STAB2: variants seen among roughly 807,000 people sequenced by gnomAD.
STAB2 encodes stabilin 2.
A neutral mutation model predicts 338.1 loss-of-function variants in STAB2; 288 were observed. The observed-to-expected ratio is 0.85, with a 90% CI of 0.77 to 0.94. The LOEUF is 0.94. Among genes scored for constraint, STAB2 ranks in the 40% least tolerant of loss-of-function variants. STAB2 has a pLI of 0.00. For missense variants in STAB2, 3,141 were observed against 3,210.1 expected (o/e 0.98, Z 0.52); for synonymous variants, 1,202 against 1,193.3 (o/e 1.01, Z -0.15).
Position 103,618,015 on chromosome 12 carries a change from G to T in STAB2, c.332-2453G>T, listed in dbSNP as rs1238240127. Among the ~76,000 whole-genome samples, 5 of 152,304 alleles carry T rather than the reference G, an allele frequency of 3.3e-5. No individual in the cohort carries two copies. The South Asian group carries it at 8.3e-4, about 25-fold the overall frequency. On this transcript the variant is annotated intron_variant, in intron 3 of 68. Coordinates refer to ENST00000388887, the MANE Select transcript of STAB2 (RefSeq NM_017564.10). ...CACCTCCATAGTACCTGCATGTTAT[G>T]AATGTTCTTCTAAAGAACTAGCCTA...
chr12:103,743,502 A>G (rs575766040), intron 56 of STAB2, among the ~76,000 whole-genome samples: 2 of 152,308 alleles, frequency 1.3e-5, no homozygotes, highest in African/African-American at 4.8e-5. Context: ...CACCTCACAT[A>G]GGGAATATTT....
intron 33 of STAB2, 33 bp from the exon 34 acceptor site, chr12:103,699,063 C>G (rs751331659): frequency 6.3e-7 from 1 of 1,587,320 alleles, no homozygotes; most frequent in East Asian, 2.3e-5. Context: ...AGGCTGATCT[C>G]TTGACTGACT....
intron 58 of STAB2, among the ~76,000 whole-genome samples, chr12:103,748,069 A>G (rs1023637632): frequency 1.1e-4 from 17 of 152,170 alleles, no homozygotes; most frequent in African/African-American, 3.9e-4. Context: ...CAGCAGTCTC[A>G]GCCACATGTA....
Position 103,699,244 on chromosome 12 carries a change from T to A in STAB2, c.3714+17T>A. On this transcript the variant is annotated intron_variant, in intron 34 of 68. Transcript: ENST00000388887. ...AATGACCAGGTACGATCCTTTTATG[T>A]AAAACCCCAGCAATGCCACCGAGAA... 1.0e-5 allele frequency: 16 copies of A among 1,601,814 alleles called. No homozygotes were observed. The highest frequency in any genetic ancestry group is 1.4e-5 in the Non-Finnish European group (16 of 1,170,916).
intron 1 of STAB2, among the ~76,000 whole-genome samples, chr12:103,589,294 A>G (rs1208890691): frequency 1.3e-5 from 2 of 152,192 alleles, no homozygotes; most frequent in African/African-American, 4.8e-5. Context: ...ATACAGAAGC[A>G]TGAGACACAA....
intron 31 of STAB2, among the ~76,000 whole-genome samples, chr12:103,693,100 A>G (rs1159442039): frequency 6.6e-6 from 1 of 152,192 alleles, no homozygotes; most frequent in East Asian, 1.9e-4. Context: ...GTATTCTGCA[A>G]TGGGCCCTTT....
intron 44 of STAB2, among the ~76,000 whole-genome samples, chr12:103,724,170 C>T (rs1880997853): frequency 6.6e-6 from 1 of 152,122 alleles, no homozygotes; most frequent in African/African-American, 2.4e-5. Context: ...TTGGAAGTGA[C>T]AATGTACAGT....
At chr12:103,748,515 T>G (rs1883259302) in intron 58 of STAB2, among the ~76,000 whole-genome samples, 1 of 151,660 alleles carries the variant, frequency 6.6e-6, no homozygotes, top group South Asian at 2.1e-4. Context: ...GAGTCTCAGT[T>G]TGTTCATCTA....
intron 8 of STAB2, 143 bp from the exon 9 acceptor site, chr12:103,639,980 T>A: frequency 1.1e-6 from 1 of 943,190 alleles, no homozygotes; most frequent in Non-Finnish European, 1.5e-6. Context: ...TTAGATACTT[T>A]GACAAATTTT....
In STAB2 at chr12:103,670,677, G is replaced by T; in HGVS notation, c.2260-19G>T. On this transcript the variant is annotated intron_variant, in intron 21 of 68. Transcript: ENST00000388887. ...AACTATGTGTCCTAATGGCCCATGG[G>T]CCCTGCCTTTGCTCCCAGTGTGCAG... is the stretch of plus-strand genomic sequence containing the variant. 2 of 1,605,926 alleles carry T rather than the reference G, an allele frequency of 1.2e-6. No individual in the cohort carries two copies. The highest frequency in any genetic ancestry group is 2.2e-5 in the South Asian group (2 of 90,540).
At chr12:103,609,255 T>C (rs1957082628) in intron 3 of STAB2, among the ~76,000 whole-genome samples, 1 of 152,230 alleles carries the variant, frequency 6.6e-6, no homozygotes, top group African/African-American at 2.4e-5. Flanking sequence ...GGGATGGCAT[T>C]GAATCTATAA....
chr12:103,765,002 C>T (rs1387898331), intron 68 of STAB2, among the ~76,000 whole-genome samples: 1 of 143,750 alleles, frequency 7.0e-6, no homozygotes, highest in East Asian at 2.1e-4. Context: ...GCAACAGAAT[C>T]GCTTGAACTG....
chr12:103,729,448 G>A (rs1252972273), intron 48 of STAB2, among the ~76,000 whole-genome samples: 1 of 151,752 alleles, frequency 6.6e-6, no homozygotes, highest in Non-Finnish European at 1.5e-5. Flanking sequence ...AATAACATAC[G>A]TTAAGTGATT....
intron 2 of STAB2, among the ~76,000 whole-genome samples, chr12:103,594,182 G>A (rs2138537931): frequency 1.3e-5 from 2 of 152,188 alleles, no homozygotes; most frequent in Non-Finnish European, 2.9e-5. Context: ...TCCCCCGTAT[G>A]TTCATTGTTC....
intron 20 of STAB2, 75 bp downstream of exon 20, chr12:103,668,804 A>G: frequency 7.3e-7 from 1 of 1,365,584 alleles, no homozygotes; most frequent in Non-Finnish European, 9.8e-7. Flanking sequence ...CTTGGGTCCT[A>G]GGGTCCACGT....
chr12:103,738,756 G>A (rs903709205), intron 53 of STAB2, among the ~76,000 whole-genome samples: 1 of 152,084 alleles, frequency 6.6e-6, no homozygotes, highest in African/African-American at 2.4e-5. Flanking sequence ...AATAGTATTT[G>A]TGATTGGCCA....
At chr12:103,723,793 G>C (rs1880961255) in intron 44 of STAB2, among the ~76,000 whole-genome samples, 1 of 152,196 alleles carries the variant, frequency 6.6e-6, no homozygotes, top group African/African-American at 2.4e-5. Context: ...CGAGGGGACT[G>C]AGTGGGTGGG....
At chr12:103,670,065 G>A (rs1007887597) in intron 21 of STAB2, among the ~76,000 whole-genome samples, 15 of 152,210 alleles carry the variant, frequency 9.9e-5, no homozygotes, top group Admixed American at 9.8e-4. Flanking sequence ...CATCTAGCTT[G>A]GAGGCAAAAG....
At chr12:103,669,327 A>G in intron 20 of STAB2, 1 of 567,316 alleles carries the variant, frequency 1.8e-6, no homozygotes, top group Non-Finnish European at 3.2e-6. Context: ...GCACAGTGTT[A>G]GAGCCAGTCC....
Sources: gnomAD v4.1 joint callset for allele counts (sites outside exome capture counted in the v4.1 genomes callset) on GRCh38, gnomAD v4.1.1 for gene constraint, MANE v1.5 for transcripts, NCBI Gene and HGNC (gene_info 2026-07-23, HGNC 2026-07-21) for gene names.